The following DIAPH3 variants were observed in gnomAD, a reference collection of about 807,000 sequenced individuals.
The protein encoded by DIAPH3 is diaphanous related formin 3, also known as protein diaphanous homolog 3.
A neutral mutation model predicts 144.3 loss-of-function variants in DIAPH3; 117 were observed. That is an observed-to-expected ratio of 0.81 (90% CI 0.70 to 0.95). DIAPH3 has a LOEUF of 0.95. Among genes scored for constraint, DIAPH3 ranks in the 40% least tolerant of loss-of-function variants. The pLI, the probability that DIAPH3 is intolerant of heterozygous loss-of-function variation, is 0.00. For synonymous variants in DIAPH3, 519 were observed against 488.9 expected (o/e 1.06, Z -0.81); for missense variants, 1,421 against 1,412.7 (o/e 1.01, Z -0.09).
Position 59,981,791 on chromosome 13 carries a change from A to G in DIAPH3, c.1481-932T>C, listed in dbSNP as rs2051038517. ...AACCTCTTATTACCATTTCTATACT[A>G]GATTATTTTGGTGGTTAGTTTCTTA... is the stretch of plus-strand genomic sequence containing the variant. On this transcript the variant is annotated intron_variant, in intron 13 of 27. Transcript: ENST00000400324. 2.6e-5 allele frequency among the ~76,000 whole-genome samples: 4 copies of G among 151,402 alleles called. No individual in the cohort carries two copies. In the Admixed American group the frequency reaches 2.6e-4, roughly 10 times the overall value.
intron 27 of DIAPH3, among the ~76,000 whole-genome samples, chr13:59,717,930 T>C (rs912187253): frequency 6.6e-6 from 1 of 152,190 alleles, no homozygotes; most frequent in Non-Finnish European, 1.5e-5. Flanking sequence ...TTAGTTGTAC[T>C]GAACTTATTT....
intron 17 of DIAPH3, among the ~76,000 whole-genome samples, chr13:59,959,035 C>T (rs1163598315): frequency 6.6e-6 from 1 of 151,920 alleles, no homozygotes; most frequent in Non-Finnish European, 1.5e-5. Context: ...GCCATCATAC[C>T]CTGCTAATTT....
intron 5 of DIAPH3, among the ~76,000 whole-genome samples, chr13:60,029,303 C>T (rs1032925168): frequency 6.6e-6 from 1 of 152,120 alleles, no homozygotes; most frequent in African/African-American, 2.4e-5. Flanking sequence ...AATCCTTATA[C>T]AAGCCACCCT....
intron 27 of DIAPH3, among the ~76,000 whole-genome samples, chr13:59,675,141 T>C (rs1485291599): frequency 2.0e-5 from 3 of 152,160 alleles, no homozygotes; most frequent in Non-Finnish European, 2.9e-5. Flanking sequence ...TGATGGCTCA[T>C]TGTAGCCTTG....
At chr13:60,022,646 T>C (rs889405878) in intron 5 of DIAPH3, among the ~76,000 whole-genome samples, 7 of 152,178 alleles carry the variant, frequency 4.6e-5, no homozygotes, top group Non-Finnish European at 7.3e-5. Flanking sequence ...GCCTTTTTCT[T>C]TTAAGGACAC....
rs1273535623 is a variant in DIAPH3, at chr13:60,042,933, T to C, written c.496-113A>G. On this transcript the variant is annotated intron_variant, in intron 4 of 27. Coordinates refer to ENST00000400324, the MANE Select transcript of DIAPH3 (RefSeq NM_001042517.2). ...ACATAACTACTATAATTAACACTAT[T>C]TGGGCAAGGGTGGTAAATAATTTCC... The C allele has an allele frequency of 4.1e-5, 50 of 1,209,618 alleles. 1 individual carries two copies. In the Admixed American group the frequency reaches 9.7e-4, roughly 23 times the overall value. The allele number at this position is 1,209,618 out of a possible 1,614,324, so 74.9% of individuals were successfully genotyped here.
chr13:59,984,096 G>A (rs888859816), intron 12 of DIAPH3, among the ~76,000 whole-genome samples: 1 of 151,666 alleles, frequency 6.6e-6, no homozygotes, highest in Non-Finnish European at 1.5e-5. Context: ...CATTTTTATA[G>A]TCTTTTAGGA....
At chr13:60,084,304 T>C (rs2137831990) in intron 4 of DIAPH3, among the ~76,000 whole-genome samples, 1 of 152,184 alleles carries the variant, frequency 6.6e-6, no homozygotes, top group East Asian at 1.9e-4. Flanking sequence ...CACATCTTTT[T>C]TTGATGTTTT....
At chr13:60,138,785 G>A (rs1163637669) in intron 1 of DIAPH3, among the ~76,000 whole-genome samples, 3 of 76,028 alleles carry the variant, frequency 3.9e-5, no homozygotes, top group African/African-American at 9.0e-5. Context: ...AGGAGAAGAA[G>A]GGGAAGAGGG....
intron 17 of DIAPH3, among the ~76,000 whole-genome samples, chr13:59,958,808 G>C (rs1290409305): frequency 6.6e-6 from 1 of 151,022 alleles, no homozygotes; most frequent in African/African-American, 2.4e-5. Flanking sequence ...AGGCATTTTT[G>C]GCTGTGGTGA....
chr13:60,136,528 A>G (rs2059281565), intron 1 of DIAPH3, among the ~76,000 whole-genome samples: 1 of 151,882 alleles, frequency 6.6e-6, no homozygotes, highest in Non-Finnish European at 1.5e-5. Flanking sequence ...TAAAACTTTC[A>G]TATCTAAATG....
intron 17 of DIAPH3, among the ~76,000 whole-genome samples, chr13:59,963,999 C>T (rs1282778255): frequency 6.6e-6 from 1 of 152,166 alleles, no homozygotes; most frequent in Non-Finnish European, 1.5e-5. Flanking sequence ...AGGCAAAGAA[C>T]TGCCTAAAAT....
intron 14 of DIAPH3, among the ~76,000 whole-genome samples, chr13:59,978,031 A>G (rs566810069): frequency 6.6e-6 from 1 of 151,754 alleles, no homozygotes; most frequent in Non-Finnish European, 1.5e-5. Flanking sequence ...ACCCATGACT[A>G]GGTGAGGGAC....
At chr13:60,089,103 A>T (rs1338706894) in intron 4 of DIAPH3, among the ~76,000 whole-genome samples, 2 of 152,218 alleles carry the variant, frequency 1.3e-5, no homozygotes, top group Non-Finnish European at 2.9e-5. Context: ...GAAATAATAC[A>T]TCCAGAAACA....
chr13:59,801,362 A>T (rs1036908279), intron 25 of DIAPH3, among the ~76,000 whole-genome samples: 1 of 152,190 alleles, frequency 6.6e-6, no homozygotes, highest in African/African-American at 2.4e-5. Context: ...CTTTGGAGGG[A>T]ATCTATCCAG....
chr13:59,964,017 T>G (rs1393038038), intron 17 of DIAPH3, among the ~76,000 whole-genome samples: 1 of 152,008 alleles, frequency 6.6e-6, no homozygotes, highest in African/African-American at 2.4e-5. Context: ...AATAGGGAAG[T>G]GAACTTTAAG....
At chr13:59,773,747 T>C (rs1368928776) in intron 27 of DIAPH3, among the ~76,000 whole-genome samples, 1 of 152,196 alleles carries the variant, frequency 6.6e-6, no homozygotes, top group Non-Finnish European at 1.5e-5. Flanking sequence ...ATGAAGCTCA[T>C]CTACACTTAC....
chr13:59,807,987 T>C (rs1437569564), intron 25 of DIAPH3, among the ~76,000 whole-genome samples: 1 of 151,914 alleles, frequency 6.6e-6, no homozygotes, highest in Non-Finnish European at 1.5e-5. Context: ...CAGATCCTTT[T>C]ATATTAAAAC....
At chr13:59,729,616 C>G (rs959209210) in intron 27 of DIAPH3, among the ~76,000 whole-genome samples, 2 of 151,746 alleles carry the variant, frequency 1.3e-5, no homozygotes, top group Non-Finnish European at 2.9e-5. Context: ...ATTGCAAAGA[C>G]CTATATACAA....
Sources: allele counts gnomAD v4.1 joint callset (sites outside exome capture counted in the v4.1 genomes callset), GRCh38; gene constraint gnomAD v4.1.1; transcripts MANE v1.5; gene names NCBI Gene and HGNC (gene_info 2026-07-23, HGNC 2026-07-21).